Variants in AKAP6 observed in about 807,000 individuals in gnomAD.
AKAP6 encodes A-kinase anchor protein 6.
In AKAP6, 58 loss-of-function variants were observed where a neutral mutation model predicts 188.5. That is an observed-to-expected ratio of 0.31 (90% CI 0.25 to 0.38). The LOEUF is 0.38. AKAP6 is among the 10% of genes least tolerant of loss of function. The pLI, the probability that AKAP6 is intolerant of heterozygous loss-of-function variation, is 1.00. For missense variants in AKAP6, 2,710 were observed against 2,740.0 expected (o/e 0.99, Z 0.24); for synonymous variants, 989 against 998.6 (o/e 0.99, Z 0.18).
chr14:32,546,865 G>A lies in AKAP6; in HGVS notation c.2212G>A (p.Asp738Asn). ...MPLAGMKKYA[D>N]EKSERASSSE... Reference sequence around the variant, plus strand: ...TCTCGCTGGCATGAAAAAGTATGCTGATGAGAAGTCAGAAAGAGCTTCATC... The same window carrying A: ...TCTCGCTGGCATGAAAAAGTATGCTAATGAGAAGTCAGAAAGAGCTTCATC... The change falls in exon 4 of 14, where the codon GAT becomes AAT. Residue 738 changes from aspartate to asparagine, a missense_variant. Transcript: ENST00000280979. 6.2e-7 allele frequency: 1 copy of A among 1,614,076 alleles called. No homozygotes were observed. The highest frequency in any genetic ancestry group is 8.5e-7 in the Non-Finnish European group (1 of 1,180,002).
At chr14:32,347,382 C>T (rs1887104147) in intron 1 of AKAP6, among the ~76,000 whole-genome samples, 1 of 152,194 alleles carries the variant, frequency 6.6e-6, no homozygotes, top group African/African-American at 2.4e-5. Flanking sequence ...TGGTTATTGA[C>T]TGAAGTAGGA....
intron 11 of AKAP6, among the ~76,000 whole-genome samples, chr14:32,747,916 T>C (rs74041676): frequency 0.015 from 2,311 of 152,306 alleles, 53 homozygotes; most frequent in African/African-American, 0.053. Context: ...TGTACTCATT[T>C]TATATGTGGT....
At chr14:32,753,917 TTACTATAGC>T (rs2032235081) in intron 11 of AKAP6, among the ~76,000 whole-genome samples, 1 of 152,124 alleles carries the variant, frequency 6.6e-6, no homozygotes, top group Admixed American at 6.6e-5. Context: ...GCTGTTTTGA[TTACTATAGC>T]TTTGTGGTAT....
At chr14:32,379,427 C>T (rs933336324) in intron 1 of AKAP6, among the ~76,000 whole-genome samples, 3 of 152,114 alleles carry the variant, frequency 2.0e-5, no homozygotes, top group Non-Finnish European at 4.4e-5. Flanking sequence ...TGAGGAAGAG[C>T]CAGGAAGCCT....
chr14:32,342,365 G>A (rs1339420584), intron 1 of AKAP6, among the ~76,000 whole-genome samples: 2 of 152,066 alleles, frequency 1.3e-5, no homozygotes, highest in Non-Finnish European at 2.9e-5. Flanking sequence ...GTCATCCTAA[G>A]CCCTCTCTTC....
At chr14:32,745,000 C>T (rs1336592672) in intron 11 of AKAP6, among the ~76,000 whole-genome samples, 3 of 152,016 alleles carry the variant, frequency 2.0e-5, no homozygotes, top group African/African-American at 7.2e-5. Flanking sequence ...TTCTGAATTC[C>T]TTCTCTGTGT....
intron 2 of AKAP6, among the ~76,000 whole-genome samples, chr14:32,496,370 T>C (rs1440206260): frequency 6.6e-6 from 1 of 152,174 alleles, no homozygotes; most frequent in Non-Finnish European, 1.5e-5. Context: ...TGCATTTTTA[T>C]GATCTTGAAG....
At chr14:32,596,655 A>G (rs1162494938) in intron 5 of AKAP6, among the ~76,000 whole-genome samples, 1 of 152,190 alleles carries the variant, frequency 6.6e-6, no homozygotes. Flanking sequence ...TATTCTTGCC[A>G]TAAATTTGTT....
Position 32,635,483 on chromosome 14 carries a change from G to A in AKAP6, c.2730+34691G>A, listed in dbSNP as rs972755007. Among the ~76,000 whole-genome samples the A allele has an allele frequency of 3.3e-5, 5 of 152,006 alleles. No individual in the cohort carries two copies. In the East Asian group the frequency reaches 5.8e-4, roughly 18 times the overall value. On this transcript the variant is annotated intron_variant, in intron 7 of 13. Transcript: ENST00000280979. ...CTGATCCATCTGTAATTATGAAATC[G>A]AAAGTAATTTTAGAAAGTACTACCC...
chr14:32,675,346 G>T (rs1479493110), intron 7 of AKAP6, among the ~76,000 whole-genome samples: 2 of 152,112 alleles, frequency 1.3e-5, no homozygotes, highest in South Asian at 2.1e-4. Context: ...TTTTGATGGT[G>T]CATCTTAAAT....
At chr14:32,421,483 C>T (rs1028329392) in intron 1 of AKAP6, among the ~76,000 whole-genome samples, 10 of 151,372 alleles carry the variant, frequency 6.6e-5, no homozygotes, top group African/African-American at 1.2e-4. Flanking sequence ...TTTTTTGTTC[C>T]GCAAATATTT....
At chr14:32,612,363 T>G (rs1383031643) in intron 7 of AKAP6, among the ~76,000 whole-genome samples, 2 of 152,136 alleles carry the variant, frequency 1.3e-5, no homozygotes, top group Non-Finnish European at 2.9e-5. Context: ...TTTTAGTAAA[T>G]TTTGTTTGAT....
chr14:32,466,971 A>G (rs879681890), intron 2 of AKAP6, among the ~76,000 whole-genome samples: 1 of 151,004 alleles, frequency 6.6e-6, no homozygotes, highest in Non-Finnish European at 1.5e-5. Flanking sequence ...ATGGAAGTAT[A>G]ATAATGGTAT....
intron 12 of AKAP6, among the ~76,000 whole-genome samples, chr14:32,813,696 C>T (rs1244852101): frequency 1.3e-5 from 2 of 152,018 alleles, no homozygotes; most frequent in Non-Finnish European, 2.9e-5. Flanking sequence ...GTGGGCAGCC[C>T]CTCCAGTGAA....
At chr14:32,331,201 G>A (rs2138382159) in intron 1 of AKAP6, among the ~76,000 whole-genome samples, 1 of 152,044 alleles carries the variant, frequency 6.6e-6, no homozygotes, top group South Asian at 2.1e-4. Context: ...ATTTCTAGGA[G>A]TAAAAAAAAG....
chr14:32,718,173 C>A, intron 9 of AKAP6: 1 of 478,970 alleles, frequency 2.1e-6, no homozygotes, highest in Non-Finnish European at 2.7e-6. Flanking sequence ...TTGGGCAAGT[C>A]ACTTAGCTTC....
intron 2 of AKAP6, among the ~76,000 whole-genome samples, chr14:32,454,630 T>A (rs566498482): frequency 1.3e-3 from 177 of 141,404 alleles, no homozygotes; most frequent in East Asian, 4.3e-3. Flanking sequence ...CTTCCTTCCT[T>A]CCTTCCCTCC....
intron 2 of AKAP6, among the ~76,000 whole-genome samples, chr14:32,463,332 T>C (rs781321226): frequency 5.9e-5 from 9 of 152,074 alleles, no homozygotes; most frequent in African/African-American, 2.2e-4. Context: ...TATTCTAAAA[T>C]CAACCGCATA....
In AKAP6 at chr14:32,545,663, C is replaced by T. The variant is rs3742926; in HGVS notation, c.1010C>T (p.Ala337Val). The change falls in exon 4 of 14, where the codon GCT becomes GTT. Residue 337 changes from alanine (A) to valine (V), a missense_variant. By Grantham distance (64) the Ala-to-Val change is moderately conservative (BLOSUM62 0). Transcript: ENST00000280979. The stretch of plus-strand genomic sequence containing the variant: ...TCAGGAGAAGCTCTGACAAATGCTG[C>T]TCAACCCTCCTCTGAGACTGTGCAG... ...SSSGEALTNAAQPSSETVQQE... is the reference protein window; with the variant it reads ...SSSGEALTNAVQPSSETVQQE... 171,922 of 1,614,060 alleles carry T rather than the reference C, an allele frequency of 0.11. 10,305 individuals are homozygous for T. The highest frequency in any genetic ancestry group is 0.2 in the African/African-American group (15,149 of 75,002).
Sources: gnomAD v4.1 joint callset for allele counts (sites outside exome capture counted in the v4.1 genomes callset) on GRCh38, gnomAD v4.1.1 for gene constraint, MANE v1.5 for transcripts, NCBI Gene and HGNC (gene_info 2026-07-23, HGNC 2026-07-21) for gene names.